Variants in IQCN observed in about 807,000 individuals in gnomAD.
The protein encoded by IQCN is IQ domain-containing protein N.
IQCN carries 46 observed loss-of-function variants against 64.4 expected under a neutral mutation model. The ratio of observed to expected loss-of-function variants is 0.71; its 90% CI spans 0.56 to 0.91. The LOEUF is 0.91. IQCN is among the 40% of genes least tolerant of loss of function. IQCN has a pLI of 0.00. For synonymous variants in IQCN, 733 were observed against 775.6 expected (o/e 0.95, Z 0.91); for missense variants, 1,753 against 1,857.4 (o/e 0.94, Z 1.03).
At position 18,266,031 on chromosome 19, in the gene IQCN, C is replaced by T. The variant is rs1439216859; in HGVS notation, c.1509G>A (p.Lys503=). The T allele has an allele frequency of 1.2e-6, 2 of 1,614,072 alleles. No individual in the cohort carries two copies. Among genetic ancestry groups the T allele is most frequent in the African/African-American group, 1.3e-5 (1 of 75,012 alleles). The stretch of plus-strand genomic sequence containing the variant: ...CCACCGAGCGTAACTGGGCTGGGGT[C>T]TTGGTTATCATGGCTGGCAGGCGGG... The part of the protein sequence containing the change: ...PQTRLPAMIT[K]TPAQLRSVAT... Residue 503 remains lysine (K), a synonymous_variant, in exon 3 of 4, where the codon AAG becomes AAA. Coordinates refer to ENST00000392413, the MANE Select transcript of IQCN (RefSeq NM_001145304.2). The surrounding 1 kb of genome is among the most constrained non-coding windows in gnomAD (Gnocchi z 4.3).
At chr19:18,272,420 G>A (rs914211502) in intron 1 of IQCN, among the ~76,000 whole-genome samples, 4 of 151,980 alleles carry the variant, frequency 2.6e-5, no homozygotes, top group Non-Finnish European at 5.9e-5. Context: ...GAGCCACCGC[G>A]CCCGGCCTTA....
At position 18,257,159 on chromosome 19, in the gene IQCN, C is replaced by T; in HGVS notation, c.*21G>A. 1 of 1,609,512 alleles carries T rather than the reference C, an allele frequency of 6.2e-7. No homozygotes were observed. Among genetic ancestry groups the T allele is most frequent in the Non-Finnish European group, 8.5e-7 (1 of 1,179,230 alleles). ...GCCATGAGTGCCTCCCACGAAGTCC[C>T]CACTGCAGGGAGCCAGGGTCCTAGA... On this transcript the variant is annotated 3_prime_UTR_variant, in exon 4 of 4. Transcript: ENST00000392413.
intron 3 of IQCN, chr19:18,260,735 T>C (rs987166733): frequency 6.6e-6 from 1 of 152,660 alleles, no homozygotes; most frequent in African/African-American, 2.4e-5. Context: ...TGGCCACATA[T>C]GGGTGAGCTA....
At position 18,265,133 on chromosome 19, in the gene IQCN, G is replaced by A. The variant is rs866081916; in HGVS notation, c.2407C>T (p.Gln803Ter). Residue 803 changes from glutamine (Q) to a stop codon, truncating the protein, a stop_gained, in exon 3 of 4, where the codon CAG becomes TAG. Transcript: ENST00000392413. LOFTEE classifies it high-confidence loss of function. This position sits in a 1 kb window ranked among gnomAD's most constrained non-coding sequence, Gnocchi z 4.7. ...TGTCCGTGGGGCTGTGGCTGGGTCT[G>A]TCTGTCCTCTGGCTTGGCCCAGGGT... Reference protein sequence around the residue: ...APPWAKPEDRQTQPQPHGHVP... With the variant: ...APPWAKPEDR 1.2e-6 allele frequency: 2 copies of A among 1,606,112 alleles called. No individual in the cohort carries two copies. Among genetic ancestry groups the A allele is most frequent in the Middle Eastern group, 3.3e-4 (2 of 6,060 alleles).
intron 1 of IQCN, 65 bp from the exon 2 acceptor site, chr19:18,269,652 A>G: frequency 2.1e-6 from 1 of 471,102 alleles, no homozygotes. Context: ...AAATTTCTAA[A>G]TTCTAAAAAA....
At chr19:18,272,062 G>T (rs1026218797) in intron 1 of IQCN, among the ~76,000 whole-genome samples, 5 of 151,892 alleles carry the variant, frequency 3.3e-5, no homozygotes, top group African/African-American at 1.2e-4. Context: ...CCTGATCTCA[G>T]GTGATTCGCC....
chr19:18,258,309 C>A, intron 3 of IQCN: 1 of 716,440 alleles, frequency 1.4e-6, no homozygotes, highest in East Asian at 2.7e-5. Flanking sequence ...CTCCCCAGTG[C>A]GGATGACGGG....
At position 18,264,673 on chromosome 19, in the gene IQCN, C is replaced by T. The variant is rs994948250; in HGVS notation, c.2867G>A (p.Arg956Gln). 29 of 1,551,196 alleles carry T rather than the reference C, an allele frequency of 1.9e-5. No individual in the cohort carries two copies. The highest frequency in any genetic ancestry group is 2.2e-5 in the Non-Finnish European group (25 of 1,146,998). The change falls in exon 3 of 4, where the codon CGG (arginine) becomes CAG (glutamine). Residue 956 changes from arginine to glutamine, a missense_variant. Arg to Gln is a conservative substitution (Grantham distance 43). Coordinates refer to ENST00000392413, the MANE Select transcript of IQCN (RefSeq NM_001145304.2). This position sits in a 1 kb window ranked among gnomAD's most constrained non-coding sequence, Gnocchi z 4.3. ...LRLTLSRALS[R>Q]GELRAELTKV... Reference sequence around the variant, plus strand: ...GGTGAGTTCCGCCCGCAGCTCGCCCCGGGACAGGGCTCGGGACAGGGTCAG... The same window carrying T: ...GGTGAGTTCCGCCCGCAGCTCGCCCTGGGACAGGGCTCGGGACAGGGTCAG...
chr19:18,266,110 G>T lies in IQCN; in HGVS notation c.1430C>A (p.Ser477Tyr), dbSNP rs1969573797. The T allele has an allele frequency of 6.2e-7, 1 of 1,613,958 alleles. No individual in the cohort carries two copies. The highest frequency in any genetic ancestry group is 1.1e-5 in the South Asian group (1 of 91,080). ...TGGGCTCCTCTGGGATGAAGTCTTG[G>T]ACATTGTGGCTGACAGACATGTTTG... ...PLQTCLSATM[S>Y]KTSSQRSPVG... The change falls in exon 3 of 4, where the codon TCC (serine) becomes TAC (tyrosine). Residue 477 changes from serine to tyrosine, a missense_variant. Transcript: ENST00000392413. This position sits in a 1 kb window ranked among gnomAD's most constrained non-coding sequence, Gnocchi z 4.3.
Position 18,265,181 on chromosome 19 carries a change from G to A in IQCN, c.2359C>T (p.Arg787Cys), listed in dbSNP as rs149314979. The A allele has an allele frequency of 2.9e-4, 473 of 1,609,798 alleles. No homozygotes were observed. Among genetic ancestry groups the A allele is most frequent in the South Asian group, 7.7e-4 (70 of 91,088 alleles). ...GSKVSNHACQ[R>C]LGGLSAPPWA... ...GGTGGGGCGCTGAGGCCACCGAGGC[G>A]CTGGCAGGCGTGGTTGGACACCTTG... The change falls in exon 3 of 4, where the codon CGC (arginine) becomes TGC (cysteine). Residue 787 changes from arginine (R) to cysteine (C), a missense_variant. Arg to Cys is a radical substitution (Grantham distance 180). Coordinates refer to ENST00000392413, the MANE Select transcript of IQCN (RefSeq NM_001145304.2). This position sits in a 1 kb window ranked among gnomAD's most constrained non-coding sequence, Gnocchi z 4.7.
At position 18,265,086 on chromosome 19, in the gene IQCN, CT is replaced by C. The variant is rs774668663; in HGVS notation, c.2453del (p.Gln818ArgfsTer56). 5.6e-5 allele frequency: 89 copies of C among 1,600,962 alleles called. No individual in the cohort carries two copies. Among genetic ancestry groups the C allele is most frequent in the South Asian group, 3.6e-4 (33 of 91,014 alleles). ...PHGHVPGKTT[Q>X]GGPCPAACEV... ...CACAGGCTGCCGGGCATGGTCCCCCCTGAGTGGTCTTCCCCGGCACGTGTCC... is the reference window on the plus strand; with the variant it reads ...CACAGGCTGCCGGGCATGGTCCCCCCGAGTGGTCTTCCCCGGCACGTGTCC... On this transcript the variant is annotated frameshift_variant, in exon 3 of 4. Transcript: ENST00000392413. LOFTEE classifies it high-confidence loss of function. The surrounding 1 kb of genome is among the most constrained non-coding windows in gnomAD (Gnocchi z 4.7).
chr19:18,258,663 A>C (rs1306200639), intron 3 of IQCN: 2 of 344,040 alleles, frequency 5.8e-6, no homozygotes, highest in African/African-American at 4.3e-5. Flanking sequence ...AGGATTCCCC[A>C]TCCTGCCCAC....
Position 18,264,371 on chromosome 19 carries a change from T to G in IQCN, c.3169A>C (p.Thr1057Pro). ...ACCTGGGAATCCCTGACCTTGCTGGTCTGTGGTCTCACGGGGCCCAGGGAG... is the reference window on the plus strand; with the variant it reads ...ACCTGGGAATCCCTGACCTTGCTGGGCTGTGGTCTCACGGGGCCCAGGGAG... ...GPSLGPVRPQTSKGPADAGVV... is the reference protein window; with the variant it reads ...GPSLGPVRPQPSKGPADAGVV... The change falls in exon 3 of 4, where the codon ACC becomes CCC. Residue 1057 changes from threonine (T) to proline (P), a missense_variant. Thr to Pro is a conservative substitution (Grantham distance 38). Coordinates refer to ENST00000392413, the MANE Select transcript of IQCN (RefSeq NM_001145304.2). The surrounding 1 kb of genome is among the most constrained non-coding windows in gnomAD (Gnocchi z 4.3). 4.7e-6 allele frequency: 7 copies of G among 1,485,974 alleles called. No homozygotes were observed. Among genetic ancestry groups the G allele is most frequent in the Non-Finnish European group, 6.3e-6 (7 of 1,116,646 alleles). 92.0% of individuals were successfully genotyped at this position (1,485,974 alleles called of 1,614,324 possible).
Position 18,269,518 on chromosome 19 carries a change from G to C in IQCN, c.-40C>G. ...AGCAGGAGAAGAAGGTGCAATCTCA[G>C]AAGCCAGCCTGCAAGAGGAGGCAGC... On this transcript the variant is annotated 5_prime_UTR_variant, in exon 2 of 4. Transcript: ENST00000392413. The C allele has an allele frequency of 6.2e-7, 1 of 1,612,798 alleles. No homozygotes were observed. Among genetic ancestry groups the C allele is most frequent in the Non-Finnish European group, 8.5e-7 (1 of 1,179,192 alleles).
At position 18,269,588 on chromosome 19, in the gene IQCN, C is replaced by A; in HGVS notation, c.-109-1G>T. ...CAATATGCAGCAACACTGCCCTGGG[C>A]TGGCTCAAGACCAACACAAAAAGAA... is the stretch of plus-strand genomic sequence containing the variant. On this transcript the variant is annotated splice_acceptor_variant, in intron 1 of 3. Transcript: ENST00000392413. LOFTEE classifies it low-confidence loss of function (5UTR_SPLICE). 1.0e-6 allele frequency: 1 copy of A among 996,526 alleles called. No homozygotes were observed. The allele number at this position is 996,526 out of a possible 1,614,324, so 61.7% of individuals were successfully genotyped here.
At chr19:18,273,784 G>A (rs940576598) in intron 1 of IQCN, among the ~76,000 whole-genome samples, 5 of 152,156 alleles carry the variant, frequency 3.3e-5, no homozygotes, top group African/African-American at 7.2e-5. Flanking sequence ...TCAACCAAAC[G>A]GTGCAGCTCT....
intron 1 of IQCN, among the ~76,000 whole-genome samples, chr19:18,272,136 TTCTC>T (rs1555701210): frequency 1.5e-5 from 2 of 133,900 alleles, no homozygotes; most frequent in Non-Finnish European, 3.2e-5. Flanking sequence ...CTTTTTTTTT[TTCTC>T]TCTCTCTTTT....
intron 3 of IQCN, chr19:18,258,705 C>T: frequency 3.0e-6 from 1 of 329,874 alleles, no homozygotes; most frequent in Non-Finnish European, 6.0e-6. Context: ...AGCCTCAGTA[C>T]TGCCACGGGC....
chr19:18,257,602 C>T lies in IQCN; in HGVS notation c.3682G>A (p.Ala1228Thr), dbSNP rs112108230. The change falls in exon 4 of 4, where the codon GCT becomes ACT. Residue 1228 changes from alanine to threonine, a missense_variant. By Grantham distance (58) the Ala-to-Thr change is moderately conservative. Transcript: ENST00000392413. ...HRCFQSCQAH[A>T]CSVCHSLSSR... ...CTCAGGGAGTGGCAGACGCTGCAAG[C>T]GTGTGCCTGGCAGGACTGGAAGCAG... is the stretch of plus-strand genomic sequence containing the variant. 7.2e-5 allele frequency: 116 copies of T among 1,612,772 alleles called. 1 individual carries two copies. The African/African-American group carries it at 9.3e-4, about 13-fold the overall frequency.
Sources: gnomAD v4.1 joint callset for allele counts (sites outside exome capture counted in the v4.1 genomes callset) on GRCh38, gnomAD v4.1.1 for gene constraint, Gnocchi (gnomAD v3.1) non-coding constraint, MANE v1.5 for transcripts, NCBI Gene and HGNC (gene_info 2026-07-23, HGNC 2026-07-21) for gene names.